Variants in SCHIP1 observed in about 807,000 individuals in gnomAD.
SCHIP1 encodes the protein schwannomin interacting protein 1, also known as schwannomin-interacting protein 1.
SCHIP1 carries 8 observed loss-of-function variants against 29.7 expected under a neutral mutation model. The observed-to-expected ratio is 0.27, with a 90% confidence interval of 0.16 to 0.49. The LOEUF (loss-of-function observed/expected upper bound fraction) is 0.49. SCHIP1 is among the 20% of genes least tolerant of loss of function. SCHIP1 has a pLI of 0.99. For missense variants in SCHIP1, 193 were observed against 294.6 expected (o/e 0.66, Z 2.52); for synonymous variants, 76 against 94.9 (o/e 0.80, Z 1.16).
At chr3:159,503,236 T>C in the SCHIP1 span, among the ~76,000 whole-genome samples, 1 of 152,310 alleles carries the variant, frequency 6.6e-6, no homozygotes, top group African/African-American at 2.4e-5. Context: ...CATGGTGACA[T>C]GTCTTTTTTG....
chr3:159,337,432 G>C, the SCHIP1 span, among the ~76,000 whole-genome samples: 13 of 152,236 alleles, frequency 8.5e-5, no homozygotes, highest in South Asian at 2.7e-3. Context: ...TGACATGATT[G>C]TATATCCAGA....
chr3:159,880,096 A>G (rs1716282741), intron 2 of SCHIP1, among the ~76,000 whole-genome samples: 4 of 152,198 alleles, frequency 2.6e-5, no homozygotes, highest in Admixed American at 2.6e-4. Flanking sequence ...AGCTGCCTTC[A>G]TCAGCTTCTG....
At chr3:159,485,586 T>C in the SCHIP1 span, among the ~76,000 whole-genome samples, 10 of 152,166 alleles carry the variant, frequency 6.6e-5, no homozygotes, top group Non-Finnish European at 1.3e-4. Context: ...TAAAGTAATA[T>C]GTTTATGGCA....
the SCHIP1 span, among the ~76,000 whole-genome samples, chr3:159,833,938 C>G: frequency 6.6e-6 from 1 of 152,156 alleles, no homozygotes; most frequent in Non-Finnish European, 1.5e-5. Context: ...GCCATCAGTT[C>G]CTTTTTTGGT....
chr3:159,634,161 T>C, the SCHIP1 span, among the ~76,000 whole-genome samples: 175 of 152,240 alleles, frequency 1.1e-3, 3 homozygotes, highest in South Asian at 0.034. Flanking sequence ...GTTTAAAATG[T>C]GTTACATAAG....
chr3:159,469,942 T>C, the SCHIP1 span, among the ~76,000 whole-genome samples: 1 of 152,158 alleles, frequency 6.6e-6, no homozygotes, highest in Non-Finnish European at 1.5e-5. Context: ...CATTAAATAA[T>C]AATGAACATA....
chr3:159,470,264 T>C, the SCHIP1 span, among the ~76,000 whole-genome samples: 1 of 152,092 alleles, frequency 6.6e-6, no homozygotes. Flanking sequence ...GAACATAATT[T>C]CCAAAGTAAT....
chr3:159,359,233 T>C, the SCHIP1 span, among the ~76,000 whole-genome samples: 3 of 152,112 alleles, frequency 2.0e-5, no homozygotes, highest in African/African-American at 7.2e-5. Flanking sequence ...GCAGCATTCA[T>C]TGATTTTTAA....
chr3:159,646,192 C>A, the SCHIP1 span, among the ~76,000 whole-genome samples: 1 of 152,138 alleles, frequency 6.6e-6, no homozygotes, highest in Non-Finnish European at 1.5e-5. Flanking sequence ...CACCACTCTC[C>A]ACCTATGGAG....
the SCHIP1 span, among the ~76,000 whole-genome samples, chr3:159,798,412 AT>A: frequency 6.6e-6 from 1 of 152,000 alleles, no homozygotes; most frequent in Non-Finnish European, 1.5e-5. Flanking sequence ...ACTGTTAGTT[AT>A]TTTTCCTTAT....
chr3:159,754,614 C>A, the SCHIP1 span, among the ~76,000 whole-genome samples: 3 of 152,188 alleles, frequency 2.0e-5, no homozygotes, highest in African/African-American at 7.2e-5. Flanking sequence ...GTCACTGATT[C>A]CCCCTGACTT....
chr3:159,478,486 CTATAA>C, the SCHIP1 span, among the ~76,000 whole-genome samples: 4 of 152,006 alleles, frequency 2.6e-5, no homozygotes, highest in Non-Finnish European at 2.9e-5. Flanking sequence ...TACAATTGCT[CTATAA>C]TATGTTTTAA....
At chr3:159,274,585 T>G in the SCHIP1 span, 1 of 829,964 alleles carries the variant, frequency 1.2e-6, no homozygotes, top group Non-Finnish European at 1.5e-6. Flanking sequence ...AAAACATCTT[T>G]TAACTCCATC....
intron 1 of SCHIP1, among the ~76,000 whole-genome samples, chr3:159,847,511 C>A (rs965306468): frequency 2.0e-5 from 3 of 152,122 alleles, no homozygotes; most frequent in Non-Finnish European, 4.4e-5. Flanking sequence ...ATCAGAGAGG[C>A]CTAAGTGACA....
the SCHIP1 span, among the ~76,000 whole-genome samples, chr3:159,553,083 G>A: frequency 6.6e-6 from 1 of 151,824 alleles, no homozygotes; most frequent in Non-Finnish European, 1.5e-5. Flanking sequence ...TATTAAGTTT[G>A]GTATTGTCAA....
chr3:159,654,338 A>C, the SCHIP1 span, among the ~76,000 whole-genome samples: 1 of 151,868 alleles, frequency 6.6e-6, no homozygotes, highest in Non-Finnish European at 1.5e-5. Flanking sequence ...CAGATTTGGC[A>C]CTCACTTTTT....
the SCHIP1 span, among the ~76,000 whole-genome samples, chr3:159,382,785 T>C: frequency 1.3e-5 from 2 of 152,244 alleles, no homozygotes; most frequent in East Asian, 1.9e-4. Context: ...CTTGACCTTT[T>C]AATGATTGCC....
chr3:159,682,927 T>A, the SCHIP1 span, among the ~76,000 whole-genome samples: 6 of 152,220 alleles, frequency 3.9e-5, no homozygotes, highest in Non-Finnish European at 5.9e-5. Context: ...AATATTCAGC[T>A]ATAAGAGTAT....
the SCHIP1 span, among the ~76,000 whole-genome samples, chr3:159,358,712 G>T: frequency 6.6e-6 from 1 of 152,032 alleles, no homozygotes; most frequent in Non-Finnish European, 1.5e-5. Flanking sequence ...CTAAAAACTG[G>T]ACCTAACTAC....
Sources: gnomAD v4.1 joint callset for allele counts (sites outside exome capture counted in the v4.1 genomes callset) on GRCh38, gnomAD v4.1.1 for gene constraint, MANE v1.5 for transcripts, NCBI Gene and HGNC (gene_info 2026-07-23, HGNC 2026-07-21) for gene names.